The following VWA3B variants were observed in gnomAD, a reference collection of about 807,000 sequenced individuals.
VWA3B encodes von Willebrand factor A domain-containing protein 3B.
Under a neutral mutation model 158.3 loss-of-function variants are expected in VWA3B, and 138 were observed. The observed-to-expected ratio is 0.87, with a 90% confidence interval of 0.76 to 1.00. The LOEUF is 1.00. Ranked by LOEUF, VWA3B falls within the 50% of genes least tolerant of loss-of-function variation. The pLI is 0.00. For synonymous variants in VWA3B, 596 were observed against 587.3 expected, an observed-to-expected ratio of 1.01 and a Z score of -0.21; for missense variants, 1,555 against 1,565.1, an observed-to-expected ratio of 0.99 and a Z score of 0.11.
At chr2:98,269,653 A>G (rs1574244536) in intron 21 of VWA3B, among the ~76,000 whole-genome samples, 1 of 152,216 alleles carries the variant, frequency 6.6e-6, no homozygotes, top group Non-Finnish European at 1.5e-5. Context: ...GCAAAATGCA[A>G]CAAGCTTTCT....
At chr2:98,216,841 C>A in intron 13 of VWA3B, 2 of 878,922 alleles carry the variant, frequency 2.3e-6, no homozygotes, top group Non-Finnish European at 3.3e-6. Flanking sequence ...TCACATTAGA[C>A]AGGACATGCC....
the VWA3B span, among the ~76,000 whole-genome samples, chr2:98,323,941 A>G: frequency 6.6e-6 from 1 of 152,192 alleles, no homozygotes; most frequent in African/African-American, 2.4e-5. Context: ...GCATCCTGTT[A>G]TTACATATTT....
At position 98,303,694 on chromosome 2, in the gene VWA3B, T is replaced by C. The variant is rs369094676; in HGVS notation, c.3421-8T>C. On this transcript the variant is annotated splice_region_variant and splice_polypyrimidine_tract_variant and intron_variant, in intron 25 of 27. Transcript: ENST00000477737. ...TAAGTTGAGTGAACTCTGTTGGTAT[T>C]ATTACAGGAATTTTGCCCTCGGAGT... 2.5e-6 allele frequency: 4 copies of C among 1,613,238 alleles called. No individual in the cohort carries two copies. The highest frequency in any genetic ancestry group is 2.5e-6 in the Non-Finnish European group (3 of 1,179,304).
chr2:98,131,714 C>T (rs546130361), intron 6 of VWA3B, among the ~76,000 whole-genome samples: 2 of 152,264 alleles, frequency 1.3e-5, no homozygotes, highest in South Asian at 2.1e-4. Context: ...GTTAATGATA[C>T]AGAGGCCAGG....
intron 8 of VWA3B, among the ~76,000 whole-genome samples, chr2:98,170,978 A>G (rs1679536258): frequency 6.6e-6 from 1 of 152,336 alleles, no homozygotes; most frequent in Admixed American, 6.5e-5. Flanking sequence ...TCTGTGCTTC[A>G]GTTTCCGTAT....
intron 7 of VWA3B, among the ~76,000 whole-genome samples, chr2:98,145,340 A>C (rs954295399): frequency 6.6e-6 from 1 of 152,206 alleles, no homozygotes; most frequent in African/African-American, 2.4e-5. Context: ...CAGCTCACTC[A>C]ATCTTCATAA....
intron 1 of VWA3B, among the ~76,000 whole-genome samples, chr2:98,087,715 A>AGG (rs1297913521): frequency 6.6e-6 from 1 of 152,196 alleles, no homozygotes; most frequent in African/African-American, 2.4e-5. Flanking sequence ...TGGGCTTTGG[A>AGG]GGGAACATGG....
At chr2:98,197,166 G>C (rs1310792207) in intron 12 of VWA3B, among the ~76,000 whole-genome samples, 1 of 152,164 alleles carries the variant, frequency 6.6e-6, no homozygotes, top group Non-Finnish European at 1.5e-5. Flanking sequence ...CTTTTGAAGA[G>C]TACTATTCAG....
chr2:98,196,943 G>C lies in VWA3B; in HGVS notation c.1737+2451G>C, dbSNP rs1419205506. 3.3e-5 allele frequency among the ~76,000 whole-genome samples: 5 copies of C among 152,150 alleles called. No homozygotes were observed. The East Asian group carries it at 9.6e-4, about 29-fold the overall frequency. On this transcript the variant is annotated intron_variant, in intron 12 of 27. Transcript: ENST00000477737. ...TTCTCCAATGTTCACCTCTAACATA[G>C]CCATGGTATAATTATAAAACTAAGA...
rs374236185 is a variant in VWA3B, at chr2:98,196,733, G to A, written c.1737+2241G>A. On this transcript the variant is annotated intron_variant, in intron 12 of 27. Coordinates refer to ENST00000477737, the MANE Select transcript of VWA3B (RefSeq NM_144992.5). Reference sequence around the variant, plus strand: ...TTCAGCAGTAGGCTTTTCAACAAAAGACTATTGAGAATGGGCTCAGAGGGA... The same window carrying A: ...TTCAGCAGTAGGCTTTTCAACAAAAAACTATTGAGAATGGGCTCAGAGGGA... Among the ~76,000 whole-genome samples the A allele has an allele frequency of 3.9e-5, 6 of 152,174 alleles. No homozygotes were observed. The South Asian group carries it at 8.3e-4, about 21-fold the overall frequency.
chr2:98,160,271 T>A (rs529780925), intron 7 of VWA3B, among the ~76,000 whole-genome samples: 1 of 152,202 alleles, frequency 6.6e-6, no homozygotes, highest in East Asian at 1.9e-4. Context: ...ACCTGTGCAT[T>A]GTCATGATGC....
At position 98,303,743 on chromosome 2, in the gene VWA3B, C is replaced by T; in HGVS notation, c.3462C>T (p.Asn1154=). ...GTGCACTTATTAAGATCAGCCAAAA[C>T]AAGTATGCGCTCTCTTGCTCTCATA... ...PRSALIKISQ[N]KYALSCSHIK... The change falls in exon 26 of 28, where the codon AAC becomes AAT. Residue 1154 remains asparagine, a synonymous_variant. Transcript: ENST00000477737. The T allele has an allele frequency of 6.2e-7, 1 of 1,614,146 alleles. No individual in the cohort carries two copies. The highest frequency in any genetic ancestry group is 8.5e-7 in the Non-Finnish European group (1 of 1,180,026).
intron 7 of VWA3B, among the ~76,000 whole-genome samples, chr2:98,160,506 T>G (rs1221514758): frequency 6.6e-6 from 1 of 152,138 alleles, no homozygotes; most frequent in East Asian, 1.9e-4. Context: ...AGAGACACAT[T>G]TCCCTGTCCC....
At position 98,230,208 on chromosome 2, in the gene VWA3B, G is replaced by T. The variant is rs754520589; in HGVS notation, c.2308+1G>T. Reference sequence around the variant, plus strand: ...CAGAAAAAGAAAGTCCTTCACGCAGGTATCAGTGAACAAAATGGCTTGACT... The same window carrying T: ...CAGAAAAAGAAAGTCCTTCACGCAGTTATCAGTGAACAAAATGGCTTGACT... On this transcript the variant is annotated splice_donor_variant, in intron 16 of 27. Coordinates refer to ENST00000477737, the MANE Select transcript of VWA3B (RefSeq NM_144992.5). LOFTEE classifies it high-confidence loss of function. 6.4e-7 allele frequency: 1 copy of T among 1,554,120 alleles called. No homozygotes were observed. The highest frequency in any genetic ancestry group is 2.3e-5 in the East Asian group (1 of 43,524).
At chr2:98,321,569 G>A in the VWA3B span, among the ~76,000 whole-genome samples, 1 of 152,234 alleles carries the variant, frequency 6.6e-6, no homozygotes, top group Non-Finnish European at 1.5e-5. Flanking sequence ...GAGACGTGGA[G>A]TGAAAAGACA....
At chr2:98,234,834 G>T in intron 17 of VWA3B, 67 bp downstream of exon 17, 1 of 1,602,144 alleles carries the variant, frequency 6.2e-7, no homozygotes, top group South Asian at 1.1e-5. Flanking sequence ...TCCAGAAAGA[G>T]CTGCGTGTAG....
chr2:98,229,613 C>T (rs1241199592), intron 15 of VWA3B, among the ~76,000 whole-genome samples: 1 of 152,170 alleles, frequency 6.6e-6, no homozygotes, highest in African/African-American at 2.4e-5. Flanking sequence ...TTTATAAGTG[C>T]TTGCTGGTAG....
At chr2:98,252,791 C>T (rs1415261533) in intron 20 of VWA3B, among the ~76,000 whole-genome samples, 21 of 152,130 alleles carry the variant, frequency 1.4e-4, no homozygotes, top group Admixed American at 1.4e-3. Flanking sequence ...AGAGAGGCCT[C>T]CTTTCTTAGC....
the VWA3B span, among the ~76,000 whole-genome samples, chr2:98,325,608 TAAC>T: frequency 2.6e-5 from 4 of 152,142 alleles, no homozygotes; most frequent in African/African-American, 4.8e-5. Flanking sequence ...GGATCTGAAA[TAAC>T]AATTACCCAG....
Sources: gnomAD v4.1 joint callset for allele counts (sites outside exome capture counted in the v4.1 genomes callset) on GRCh38, gnomAD v4.1.1 for gene constraint, MANE v1.5 for transcripts, NCBI Gene and HGNC (gene_info 2026-07-23, HGNC 2026-07-21) for gene names.